The following CTNND2 variants were observed in gnomAD, a reference collection of about 807,000 sequenced individuals.
CTNND2 encodes catenin delta 2.
A neutral mutation model predicts 144.4 loss-of-function variants in CTNND2; 22 were observed. The ratio of observed to expected loss-of-function variants is 0.15; its 90% CI spans 0.11 to 0.22. The LOEUF is 0.22. Among genes scored for constraint, CTNND2 ranks in the 10% least tolerant of loss-of-function variants. CTNND2 has a pLI of 1.00. For missense variants in CTNND2, 1,353 were observed against 1,618.8 expected, an observed-to-expected ratio of 0.84 and a Z score of 2.82; for synonymous variants, 751 against 695.6, an observed-to-expected ratio of 1.08 and a Z score of -1.25.
chr5:11,492,505 ATGTGTGTGTG>A (rs33995105), intron 3 of CTNND2, among the ~76,000 whole-genome samples: 5 of 140,356 alleles, frequency 3.6e-5, no homozygotes, highest in Admixed American at 1.4e-4. Flanking sequence ...ATATATATAT[ATGTGTGTGTG>A]TGTGTGTGTG....
chr5:11,308,819 G>A (rs1181056224), intron 9 of CTNND2, among the ~76,000 whole-genome samples: 2 of 152,092 alleles, frequency 1.3e-5, no homozygotes, highest in East Asian at 1.9e-4. Flanking sequence ...CTGAGACTGG[G>A]TAATTTATAA....
intron 1 of CTNND2, among the ~76,000 whole-genome samples, chr5:11,740,108 T>C (rs994020970): frequency 6.6e-6 from 1 of 152,200 alleles, no homozygotes; most frequent in Non-Finnish European, 1.5e-5. Context: ...AAAATGGTCA[T>C]ACTGCCCAAG....
At chr5:11,338,203 C>T (rs537459765) in intron 9 of CTNND2, among the ~76,000 whole-genome samples, 43 of 152,252 alleles carry the variant, frequency 2.8e-4, no homozygotes, top group African/African-American at 9.6e-4. Flanking sequence ...ATGTGAAAGT[C>T]GCTTTAGCTG....
chr5:11,525,415 T>C (rs1385717520), intron 3 of CTNND2, among the ~76,000 whole-genome samples: 5 of 152,094 alleles, frequency 3.3e-5, no homozygotes, highest in Non-Finnish European at 7.4e-5. Flanking sequence ...AAAAAACACA[T>C]AATCATATTT....
At chr5:10,978,938 A>G (rs1445795044) in intron 21 of CTNND2, among the ~76,000 whole-genome samples, 3 of 152,214 alleles carry the variant, frequency 2.0e-5, no homozygotes, top group African/African-American at 4.8e-5. Context: ...CTAAATCTAG[A>G]TGGCAAGCAG....
chr5:11,587,977 T>C (rs1434153657), intron 2 of CTNND2, among the ~76,000 whole-genome samples: 1 of 152,122 alleles, frequency 6.6e-6, no homozygotes, highest in Non-Finnish European at 1.5e-5. Flanking sequence ...TTGTAAATTT[T>C]GGGCAACAAT....
chr5:11,128,051 T>C (rs952669890), intron 12 of CTNND2, among the ~76,000 whole-genome samples: 2 of 151,318 alleles, frequency 1.3e-5, no homozygotes, highest in African/African-American at 2.4e-5. Context: ...ACGTTGCAGA[T>C]GGAATTAAGG....
At chr5:11,634,791 A>T (rs1781595050) in intron 2 of CTNND2, among the ~76,000 whole-genome samples, 1 of 152,218 alleles carries the variant, frequency 6.6e-6, no homozygotes, top group African/African-American at 2.4e-5. Context: ...GGAGCACAGA[A>T]AACATGATGC....
intron 1 of CTNND2, among the ~76,000 whole-genome samples, chr5:11,855,872 T>A (rs565358920): frequency 2.6e-5 from 4 of 152,322 alleles, no homozygotes; most frequent in South Asian, 4.1e-4. Flanking sequence ...TGCAAACCAC[T>A]GCCCTAAGCC....
chr5:11,697,101 T>C (rs1307484352), intron 2 of CTNND2, among the ~76,000 whole-genome samples: 1 of 152,188 alleles, frequency 6.6e-6, no homozygotes, highest in Non-Finnish European at 1.5e-5. Flanking sequence ...CGGACAAATA[T>C]CATTATGTAT....
At chr5:11,284,088 G>A (rs181867423) in intron 9 of CTNND2, among the ~76,000 whole-genome samples, 9 of 152,180 alleles carry the variant, frequency 5.9e-5, no homozygotes, top group Non-Finnish European at 1.0e-4. Flanking sequence ...TGGGCTTCAC[G>A]CTCCTCTCTA....
At chr5:11,329,996 G>T (rs142040625) in intron 9 of CTNND2, among the ~76,000 whole-genome samples, 3 of 152,148 alleles carry the variant, frequency 2.0e-5, no homozygotes, top group African/African-American at 7.2e-5. Context: ...AGTGATTACT[G>T]CAGTGAATGA....
chr5:11,668,744 G>T (rs1224661745), intron 2 of CTNND2, among the ~76,000 whole-genome samples: 1 of 151,944 alleles, frequency 6.6e-6, no homozygotes, highest in South Asian at 2.1e-4. Flanking sequence ...ATCCTAACTG[G>T]ATACCCTGTA....
intron 1 of CTNND2, among the ~76,000 whole-genome samples, chr5:11,763,796 A>G (rs773263028): frequency 3.9e-5 from 6 of 152,120 alleles, no homozygotes; most frequent in Non-Finnish European, 5.9e-5. Flanking sequence ...GTTGATCAGT[A>G]GCTGGTTTCC....
intron 8 of CTNND2, among the ~76,000 whole-genome samples, chr5:11,349,617 G>A (rs1256480430): frequency 1.3e-5 from 2 of 152,158 alleles, no homozygotes; most frequent in Non-Finnish European, 2.9e-5. Flanking sequence ...GGTGAGGCCT[G>A]AAACGAAAGG....
intron 9 of CTNND2, among the ~76,000 whole-genome samples, chr5:11,237,526 G>T (rs1741780472): frequency 6.6e-6 from 1 of 150,912 alleles, no homozygotes; most frequent in African/African-American, 2.4e-5. Flanking sequence ...TAAGAGATGG[G>T]GTCTTACTGT....
At chr5:11,292,339 T>C (rs1170681903) in intron 9 of CTNND2, among the ~76,000 whole-genome samples, 4 of 152,072 alleles carry the variant, frequency 2.6e-5, no homozygotes, top group African/African-American at 4.8e-5. Context: ...GGGCCCCCAA[T>C]CCAATATTAC....
chr5:11,774,320 G>A (rs1161186321), intron 1 of CTNND2, among the ~76,000 whole-genome samples: 1 of 147,962 alleles, frequency 6.8e-6, no homozygotes, highest in Non-Finnish European at 1.5e-5. Context: ...AGTATTCCAT[G>A]GTGTATATGT....
At chr5:11,632,624 C>G (rs920694720) in intron 2 of CTNND2, among the ~76,000 whole-genome samples, 2 of 152,004 alleles carry the variant, frequency 1.3e-5, no homozygotes, top group East Asian at 3.9e-4. Flanking sequence ...CAACAACAAA[C>G]CAGACATTAG....
Sources: gnomAD v4.1 joint callset for allele counts (sites outside exome capture counted in the v4.1 genomes callset) on GRCh38, gnomAD v4.1.1 for gene constraint, MANE v1.5 for transcripts, NCBI Gene and HGNC (gene_info 2026-07-23, HGNC 2026-07-21) for gene names.